RNGTT: variants seen among roughly 807,000 people sequenced by gnomAD.
RNGTT encodes the protein RNA guanylyltransferase and 5'-phosphatase, also known as mRNA-capping enzyme.
In RNGTT, 33 loss-of-function variants were observed where a neutral mutation model predicts 79.3. The ratio of observed to expected loss-of-function variants is 0.42; its 90% CI spans 0.32 to 0.56. The LOEUF is 0.56. Ranked by LOEUF, RNGTT falls within the 20% of genes least tolerant of loss-of-function variation. RNGTT has a pLI of 0.17. For missense variants in RNGTT, 497 were observed against 739.1 expected (o/e 0.67, Z 3.80); for synonymous variants, 222 against 235.9 (o/e 0.94, Z 0.54).
chr6:88,946,749 T>G (rs929324023), intron 1 of RNGTT, among the ~76,000 whole-genome samples: 2 of 148,620 alleles, frequency 1.3e-5, no homozygotes, highest in Admixed American at 6.7e-5. Context: ...CACTGCAACC[T>G]CCCTGCCTGA....
At chr6:88,820,491 C>CT (rs1435465954) in intron 11 of RNGTT, among the ~76,000 whole-genome samples, 1 of 152,116 alleles carries the variant, frequency 6.6e-6, no homozygotes, top group African/African-American at 2.4e-5. Context: ...ATAAAATTGT[C>CT]TTTTTTCACA....
At chr6:88,955,909 G>A (rs1276807267) in intron 1 of RNGTT, among the ~76,000 whole-genome samples, 5 of 151,372 alleles carry the variant, frequency 3.3e-5, no homozygotes, top group Admixed American at 6.6e-5. Flanking sequence ...GTGTGGTGGC[G>A]GGCCACCTGT....
At chr6:88,718,021 A>C (rs1243394986) in intron 13 of RNGTT, among the ~76,000 whole-genome samples, 1 of 152,202 alleles carries the variant, frequency 6.6e-6, no homozygotes, top group Non-Finnish European at 1.5e-5. Flanking sequence ...CTACTGAATT[A>C]ATCTGGCCAG....
intron 1 of RNGTT, among the ~76,000 whole-genome samples, chr6:88,942,378 C>T (rs557809736): frequency 1.3e-5 from 2 of 151,746 alleles, no homozygotes; most frequent in Non-Finnish European, 2.9e-5. Flanking sequence ...TATATGTATG[C>T]GTATTATTTT....
At chr6:88,911,198 A>T (rs1440868828) in intron 4 of RNGTT, among the ~76,000 whole-genome samples, 3 of 152,184 alleles carry the variant, frequency 2.0e-5, no homozygotes, top group African/African-American at 4.8e-5. Flanking sequence ...AGTTGAATTT[A>T]AAAATGAAAA....
intron 12 of RNGTT, among the ~76,000 whole-genome samples, chr6:88,790,951 C>T (rs1779386087): frequency 6.6e-6 from 1 of 152,132 alleles, no homozygotes; most frequent in Non-Finnish European, 1.5e-5. Flanking sequence ...AGGTCTACAG[C>T]TATCCATCGG....
At position 88,728,429 on chromosome 6, in the gene RNGTT, A is replaced by G. The variant is rs554302812; in HGVS notation, c.1439+41345T>C. Among the ~76,000 whole-genome samples, 38 of 152,330 alleles carry G rather than the reference A, an allele frequency of 2.5e-4. 1 individual carries two copies. Among genetic ancestry groups the G allele is most frequent in the African/African-American group, 9.1e-4 (38 of 41,576 alleles). ...ACCAGGAGTCTTGTCCCACCAATGT[A>G]GAGCTTTTATGCTGTAGCTGGTCCA... On this transcript the variant is annotated intron_variant, in intron 13 of 15. Coordinates refer to ENST00000369485, the MANE Select transcript of RNGTT (RefSeq NM_003800.5).
At chr6:88,638,579 G>T (rs992475293) in intron 14 of RNGTT, among the ~76,000 whole-genome samples, 1 of 152,110 alleles carries the variant, frequency 6.6e-6, no homozygotes. Context: ...AGAAAGAACA[G>T]TTTTATGCTT....
intron 13 of RNGTT, among the ~76,000 whole-genome samples, chr6:88,724,072 T>TA (rs142381785): frequency 5.9e-4 from 89 of 151,886 alleles, no homozygotes; most frequent in Middle Eastern, 3.4e-3. Context: ...TCAAAAGGTT[T>TA]AAAAAAAAAT....
intron 11 of RNGTT, among the ~76,000 whole-genome samples, chr6:88,837,516 AT>A (rs1374899035): frequency 2.0e-5 from 3 of 152,184 alleles, no homozygotes; most frequent in African/African-American, 7.2e-5. Flanking sequence ...GTTTCCAAAG[AT>A]TTACAACATA....
chr6:88,869,063 G>T (rs1344404890), intron 8 of RNGTT, among the ~76,000 whole-genome samples: 1 of 152,108 alleles, frequency 6.6e-6, no homozygotes, highest in Non-Finnish European at 1.5e-5. Flanking sequence ...TTAAGAAAGA[G>T]AATTAAAAAC....
intron 13 of RNGTT, among the ~76,000 whole-genome samples, chr6:88,699,181 A>C (rs1301656794): frequency 6.6e-6 from 1 of 152,216 alleles, no homozygotes; most frequent in Non-Finnish European, 1.5e-5. Context: ...GAATATGCTC[A>C]GCAAAAATGT....
At chr6:88,675,228 T>C (rs1774822793) in intron 14 of RNGTT, among the ~76,000 whole-genome samples, 1 of 152,214 alleles carries the variant, frequency 6.6e-6, no homozygotes, top group Admixed American at 6.5e-5. Flanking sequence ...TCATTTCTTA[T>C]AACAAAGCTT....
At chr6:88,647,701 T>TAAAAA (rs746472579) in intron 14 of RNGTT, among the ~76,000 whole-genome samples, 3,641 of 100,770 alleles carry the variant, frequency 0.036, 396 homozygotes, top group African/African-American at 0.17. Flanking sequence ...GACACCCTGT[T>TAAAAA]AAAAAAAAAA....
intron 2 of RNGTT, among the ~76,000 whole-genome samples, chr6:88,930,893 C>T (rs1226354406): frequency 3.3e-5 from 5 of 152,074 alleles, no homozygotes; most frequent in Admixed American, 3.3e-4. Context: ...TGGTAAATTT[C>T]AGAAAATGTC....
At chr6:88,640,546 C>CA (rs71541174) in intron 14 of RNGTT, among the ~76,000 whole-genome samples, 15,596 of 67,326 alleles carry the variant, frequency 0.23, 1,105 homozygotes, top group Middle Eastern at 0.35. Flanking sequence ...GACCTTGTCT[C>CA]AAAAAAAAAA....
chr6:88,852,059 A>G (rs896718531), intron 9 of RNGTT, among the ~76,000 whole-genome samples: 1 of 152,106 alleles, frequency 6.6e-6, no homozygotes, highest in Non-Finnish European at 1.5e-5. Flanking sequence ...CAACTCCTAC[A>G]CAAAACATAT....
chr6:88,737,119 T>C (rs1777314358), intron 13 of RNGTT, among the ~76,000 whole-genome samples: 2 of 152,204 alleles, frequency 1.3e-5, no homozygotes, highest in African/African-American at 4.8e-5. Context: ...ATTTCCTCGA[T>C]AGGTTTTGGA....
intron 13 of RNGTT, among the ~76,000 whole-genome samples, chr6:88,720,423 C>T (rs190108835): frequency 1.3e-5 from 2 of 152,176 alleles, no homozygotes; most frequent in African/African-American, 2.4e-5. Context: ...ACAATACACA[C>T]ATCAGACTCT....
Sources: gnomAD v4.1 joint callset for allele counts (sites outside exome capture counted in the v4.1 genomes callset) on GRCh38, gnomAD v4.1.1 for gene constraint, MANE v1.5 for transcripts, NCBI Gene and HGNC (gene_info 2026-07-23, HGNC 2026-07-21) for gene names.